PAX7: variants seen among roughly 807,000 people sequenced by gnomAD.
The protein encoded by PAX7 is paired box 7.
PAX7 carries 18 observed loss-of-function variants against 50.7 expected under a neutral mutation model. The observed-to-expected ratio is 0.36, with a 90% CI of 0.25 to 0.53. The LOEUF (loss-of-function observed/expected upper bound fraction) is 0.53, where lower values mean the gene tolerates loss of function less well. PAX7 is among the 20% of genes least tolerant of loss of function. PAX7 has a pLI of 0.93. For synonymous variants in PAX7, 310 were observed against 290.4 expected (o/e 1.07, Z -0.69); for missense variants, 644 against 702.9 (o/e 0.92, Z 0.95).
intron 4 of PAX7, among the ~76,000 whole-genome samples, chr1:18,639,474 T>G (rs2088215777): frequency 6.6e-6 from 1 of 151,986 alleles, no homozygotes; most frequent in Admixed American, 6.6e-5. Context: ...CCGTTGCCGA[T>G]AGGTGCTTGC....
chr1:18,632,693 T>C lies in PAX7; in HGVS notation c.85+1005T>C, dbSNP rs1481487395. ...TGTGATCGTTTGAGTCCCTGGCGCGTGAGGAAGGGGAGAGGAGGCAGGGAG... is the reference window on the plus strand; with the variant it reads ...TGTGATCGTTTGAGTCCCTGGCGCGCGAGGAAGGGGAGAGGAGGCAGGGAG... On this transcript the variant is annotated intron_variant, in intron 1 of 8. Transcript: ENST00000420770. The surrounding 1 kb of genome is among the most constrained non-coding windows in gnomAD (Gnocchi z 6.3). Among the ~76,000 whole-genome samples the C allele has an allele frequency of 1.1e-5, 1 of 94,738 alleles. No individual in the cohort carries two copies. The highest frequency in any genetic ancestry group is 2.0e-5 in the Non-Finnish European group (1 of 49,410). 62.2% of individuals were successfully genotyped at this position (94,738 alleles called of 152,430 possible). A position where few individuals can be genotyped will look rare whatever the true frequency, so the allele number is the denominator to read the frequency against.
chr1:18,691,985 G>A, intron 5 of PAX7, 32 bp downstream of exon 5: 1 of 1,592,212 alleles, frequency 6.3e-7, no homozygotes, highest in South Asian at 1.1e-5. Context: ...CGGTGCTGCA[G>A]ATATACTCCA....
At chr1:18,716,302 C>T (rs1324122719) in intron 7 of PAX7, among the ~76,000 whole-genome samples, 1 of 152,218 alleles carries the variant, frequency 6.6e-6, no homozygotes, top group Non-Finnish European at 1.5e-5. Flanking sequence ...GTCACTCCCC[C>T]ACTCTGTGGC....
At chr1:18,642,189 A>G (rs1386350471) in intron 4 of PAX7, among the ~76,000 whole-genome samples, 1 of 148,590 alleles carries the variant, frequency 6.7e-6, no homozygotes, top group East Asian at 1.9e-4. Context: ...GGCTGAGCAA[A>G]TGAGATTTCA....
chr1:18,634,310 C>T lies in PAX7; in HGVS notation c.93C>T (p.Thr31=), dbSNP rs372604920. 2.5e-5 allele frequency: 41 copies of T among 1,613,502 alleles called. No homozygotes were observed. Among genetic ancestry groups the T allele is most frequent in the Non-Finnish European group, 2.1e-5 (25 of 1,179,896 alleles). ...CTCCCCTCCCTTCTCCAGTGTCCACCCCGCTTGGCCAAGGCCGGGTCAATC... is the reference window on the plus strand; with the variant it reads ...CTCCCCTCCCTTCTCCAGTGTCCACTCCGCTTGGCCAAGGCCGGGTCAATC... The part of the protein sequence containing the change: ...PRTGFPLEVS[T]PLGQGRVNQL... The change falls in exon 2 of 9, where the codon ACC becomes ACT. Residue 31 remains threonine, a synonymous_variant. Coordinates refer to ENST00000420770, the MANE Select transcript of PAX7 (RefSeq NM_001135254.2). This position sits in a 1 kb window ranked among gnomAD's most constrained non-coding sequence, Gnocchi z 4.0.
chr1:18,705,754 C>T (rs10489153), intron 7 of PAX7, among the ~76,000 whole-genome samples: 10,084 of 152,250 alleles, frequency 0.066, 702 homozygotes, highest in African/African-American at 0.18. Flanking sequence ...TTTCCATCCT[C>T]TCCTGGAAGT....
chr1:18,661,466 G>A (rs2088598576), intron 4 of PAX7, among the ~76,000 whole-genome samples: 1 of 152,204 alleles, frequency 6.6e-6, no homozygotes, highest in African/African-American at 2.4e-5. Flanking sequence ...CAGAGGCTGA[G>A]AGGATCGAAC....
chr1:18,705,021 G>A (rs957524651), intron 7 of PAX7, among the ~76,000 whole-genome samples: 8 of 152,160 alleles, frequency 5.3e-5, no homozygotes, highest in Admixed American at 1.3e-4. Context: ...AGCTGCCTGC[G>A]GAGCTCCTAA....
At chr1:18,685,585 C>A (rs1015061222) in intron 4 of PAX7, among the ~76,000 whole-genome samples, 10 of 152,212 alleles carry the variant, frequency 6.6e-5, no homozygotes, top group Non-Finnish European at 1.2e-4. Flanking sequence ...TGGGTGAGCA[C>A]TCCCAGGAAG....
At chr1:18,692,198 G>T (rs1256986792) in intron 5 of PAX7, among the ~76,000 whole-genome samples, 4 of 152,058 alleles carry the variant, frequency 2.6e-5, no homozygotes, top group African/African-American at 9.7e-5. Context: ...GGGAAGGGGG[G>T]AAGAAAAGGA....
intron 7 of PAX7, among the ~76,000 whole-genome samples, chr1:18,716,509 T>G (rs796170744): frequency 3.7e-5 from 3 of 81,994 alleles, no homozygotes; most frequent in East Asian, 4.8e-4. Flanking sequence ...TTTTTGTTTT[T>G]TGTTTTTTTC....
At chr1:18,675,851 G>A (rs549692720) in intron 4 of PAX7, among the ~76,000 whole-genome samples, 12 of 152,256 alleles carry the variant, frequency 7.9e-5, no homozygotes, top group African/African-American at 2.6e-4. Context: ...GGGGCCAGGA[G>A]TCCCGGCAGC....
chr1:18,639,684 T>C (rs1377500831), intron 4 of PAX7, among the ~76,000 whole-genome samples: 1 of 152,040 alleles, frequency 6.6e-6, no homozygotes, highest in Non-Finnish European at 1.5e-5. Context: ...TTGTGGGGAA[T>C]TTGATAGGGG....
Position 18,683,710 on chromosome 1 carries a change from G to A in PAX7, c.587-8044G>A, listed in dbSNP as rs376057285. Among the ~76,000 whole-genome samples, 302 of 152,200 alleles carry A rather than the reference G, an allele frequency of 2.0e-3. 3 individuals carry two copies. The South Asian group carries it at 0.029, about 15-fold the overall frequency. On this transcript the variant is annotated intron_variant, in intron 4 of 8. Coordinates refer to ENST00000420770, the MANE Select transcript of PAX7 (RefSeq NM_001135254.2). ...CAAAAATTAGTCCGGCACGGTGGTC[G>A]GTGCCTCTAATCCCAGCTACTCGGG...
chr1:18,673,390 C>A (rs2088780402), intron 4 of PAX7, among the ~76,000 whole-genome samples: 1 of 152,186 alleles, frequency 6.6e-6, no homozygotes, highest in Admixed American at 6.5e-5. Context: ...CTTAAGTGAA[C>A]ACATTTTTGT....
intron 4 of PAX7, among the ~76,000 whole-genome samples, chr1:18,675,178 G>T (rs2088807411): frequency 6.6e-6 from 1 of 152,090 alleles, no homozygotes; most frequent in African/African-American, 2.4e-5. Context: ...AGTGCACGAT[G>T]ACTTCCTGGG....
chr1:18,690,134 A>G (rs567497182), intron 4 of PAX7, among the ~76,000 whole-genome samples: 1 of 152,184 alleles, frequency 6.6e-6, no homozygotes, highest in Non-Finnish European at 1.5e-5. Flanking sequence ...TACCTTGCCC[A>G]CTGCATACCT....
intron 7 of PAX7, among the ~76,000 whole-genome samples, chr1:18,721,924 C>A (rs1465372705): frequency 6.6e-6 from 1 of 152,066 alleles, no homozygotes; most frequent in East Asian, 1.9e-4. Flanking sequence ...TAGAATTGGT[C>A]GTGTTAAATT....
chr1:18,669,189 C>T (rs2088708753), intron 4 of PAX7, among the ~76,000 whole-genome samples: 1 of 152,178 alleles, frequency 6.6e-6, no homozygotes, highest in African/African-American at 2.4e-5. Flanking sequence ...GATGCTGGGG[C>T]TCAGAGAGGC....
Sources: allele counts gnomAD v4.1 joint callset (sites outside exome capture counted in the v4.1 genomes callset), GRCh38; gene constraint gnomAD v4.1.1; non-coding constraint Gnocchi (gnomAD v3.1); transcripts MANE v1.5; gene names NCBI Gene and HGNC (gene_info 2026-07-23, HGNC 2026-07-21).